PHF11: variants seen among roughly 807,000 people sequenced by gnomAD.
PHF11 encodes PHD finger protein 11, also known as BRCA1 C-terminus-associated protein.
PHF11 carries 38 observed loss-of-function variants against 40.5 expected under a neutral mutation model. That is an observed-to-expected ratio of 0.94 (90% CI 0.72 to 1.23). The LOEUF (loss-of-function observed/expected upper bound fraction) is 1.23, where lower values mean the gene tolerates loss of function less well. Ranked by LOEUF, PHF11 falls within the 50% of genes most tolerant of loss-of-function variation. The pLI is 0.00. For synonymous variants in PHF11, 127 were observed against 138.2 expected (o/e 0.92, Z 0.57); for missense variants, 369 against 392.4 (o/e 0.94, Z 0.50).
chr13:49,515,098 A>C (rs1405219207), intron 3 of PHF11, among the ~76,000 whole-genome samples: 2 of 152,072 alleles, frequency 1.3e-5, no homozygotes, highest in Non-Finnish European at 2.9e-5. Flanking sequence ...CAGGTACCTG[A>C]GGGTTTCTGC....
chr13:49,525,513 G>C (rs1255822935), intron 8 of PHF11, among the ~76,000 whole-genome samples: 1 of 152,206 alleles, frequency 6.6e-6, no homozygotes, highest in Non-Finnish European at 1.5e-5. Context: ...CTCCCAAAGT[G>C]CGGGGATTAC....
chr13:49,528,383 G>C, intron 9 of PHF11, 128 bp from the exon 10 acceptor site: 1 of 642,446 alleles, frequency 1.6e-6, no homozygotes, highest in Non-Finnish European at 2.6e-6. Flanking sequence ...ATAAGGCTCT[G>C]GATCCTTTTC....
At position 49,496,327 on chromosome 13, in the gene PHF11, C is replaced by T. The variant is rs1958807583; in HGVS notation, c.94+232C>T. 3 of 974,006 alleles carry T rather than the reference C, an allele frequency of 3.1e-6. No homozygotes were observed. In the South Asian group the frequency reaches 1.6e-4, roughly 51 times the overall value. The allele number at this position is 974,006 out of a possible 1,614,324, so 60.3% of individuals were successfully genotyped here. The stretch of plus-strand genomic sequence containing the variant: ...CGGCCCAGGCCAGTTCCACAGGTGG[C>T]TCTGACTGCCCATGGTTTCGCGCGA... On this transcript the variant is annotated intron_variant, in intron 1 of 9. Transcript: ENST00000378319.
rs1566191441 is a variant in PHF11 at position 49,513,047 on chromosome 13, T to C, written c.217-12T>C. 2.2e-6 allele frequency: 3 copies of C among 1,341,746 alleles called. No individual in the cohort carries two copies. The highest frequency in any genetic ancestry group is 2.1e-6 in the Non-Finnish European group (2 of 943,566). The allele number at this position is 1,341,746 out of a possible 1,614,324, so 83.1% of individuals were successfully genotyped here. A position where few individuals can be genotyped will look rare whatever the true frequency, so the allele number is the denominator to read the frequency against. ...TTTGTGCATACTCTGGATTTTTTTT[T>C]CCAATCTGCAGCTGTATTCTTCAGG... On this transcript the variant is annotated splice_polypyrimidine_tract_variant and intron_variant, in intron 2 of 9. Coordinates refer to ENST00000378319, the MANE Select transcript of PHF11 (RefSeq NM_001040443.3).
At position 49,523,161 on chromosome 13, in the gene PHF11, A is replaced by AT. The variant is rs751155910; in HGVS notation, c.571-10dup. On this transcript the variant is annotated splice_polypyrimidine_tract_variant and intron_variant, in intron 6 of 9. Coordinates refer to ENST00000378319, the MANE Select transcript of PHF11 (RefSeq NM_001040443.3). Reference sequence around the variant, plus strand: ...TTAAAATCAATGTAATGCAATCTTGATTTTCTCTCCTAGCCACCCGAAACA... The same window carrying AT: ...TTAAAATCAATGTAATGCAATCTTGATTTTTCTCTCCTAGCCACCCGAAACA... 8.2e-6 allele frequency: 13 copies of AT among 1,576,156 alleles called. No individual in the cohort carries two copies. The highest frequency in any genetic ancestry group is 1.1e-5 in the Non-Finnish European group (13 of 1,145,552).
chr13:49,517,803 A>C (rs1008586995), intron 3 of PHF11, among the ~76,000 whole-genome samples: 1 of 152,234 alleles, frequency 6.6e-6, no homozygotes, highest in Non-Finnish European at 1.5e-5. Context: ...TGTCTGTCCA[A>C]GCATTCCGGT....
At chr13:49,502,408 G>A (rs190872406) in intron 1 of PHF11, among the ~76,000 whole-genome samples, 7 of 152,154 alleles carry the variant, frequency 4.6e-5, no homozygotes, top group Non-Finnish European at 8.8e-5. Flanking sequence ...TAAAATAAAT[G>A]ATTGTTGTAA....
intron 7 of PHF11, 39 bp downstream of exon 7, chr13:49,523,280 A>T: frequency 7.3e-7 from 1 of 1,364,018 alleles, no homozygotes; most frequent in Non-Finnish European, 1.0e-6. Context: ...TATGGCCTAC[A>T]ATACTTATAA....
Position 49,524,367 on chromosome 13 carries a change from C to T in PHF11, c.769+151C>T, listed in dbSNP as rs1959213875. 5 of 646,662 alleles carry T rather than the reference C, an allele frequency of 7.7e-6. No individual in the cohort carries two copies. In the South Asian group the frequency reaches 8.2e-5, roughly 11 times the overall value. The allele number at this position is 646,662 out of a possible 1,614,324, so 40.1% of individuals were successfully genotyped here. ...TTTTGGAAATGCTTACTATTTATTT[C>T]ACTTTTTGGTTTTGCCCTATAGAAA... On this transcript the variant is annotated intron_variant, in intron 8 of 9. Coordinates refer to ENST00000378319, the MANE Select transcript of PHF11 (RefSeq NM_001040443.3).
chr13:49,504,663 A>C (rs1958958556), intron 1 of PHF11, among the ~76,000 whole-genome samples: 1 of 150,114 alleles, frequency 6.7e-6, no homozygotes, highest in South Asian at 2.1e-4. Context: ...GGCCGCCCCT[A>C]CTAGGAAGTG....
In PHF11 at chr13:49,524,086, T is replaced by C; in HGVS notation, c.639T>C (p.Asp213=). The C allele has an allele frequency of 1.2e-6, 2 of 1,604,726 alleles. No homozygotes were observed. Among genetic ancestry groups the C allele is most frequent in the Non-Finnish European group, 8.5e-7 (1 of 1,175,724 alleles). ...CTCAAATGTTTGTCTTATTCTTAGA[T>C]GCAACTGTGAAAGTTCCTTTTCTTA... is the stretch of plus-strand genomic sequence containing the variant. ...QVKEEHGRHT[D]ATVKVPFLKK... Residue 213 remains aspartate (D), a splice_region_variant and synonymous_variant, in exon 8 of 10, where the codon GAT becomes GAC. Coordinates refer to ENST00000378319, the MANE Select transcript of PHF11 (RefSeq NM_001040443.3).
chr13:49,498,209 G>A (rs1383273787), intron 1 of PHF11, among the ~76,000 whole-genome samples: 4 of 152,214 alleles, frequency 2.6e-5, no homozygotes, highest in African/African-American at 7.2e-5. Context: ...ATAATAGTAA[G>A]TCCTCATTAA....
At chr13:49,526,168 CAAAAAAAAAA>C (rs10573458) in intron 8 of PHF11, 12 of 341,232 alleles carry the variant, frequency 3.5e-5, no homozygotes, top group South Asian at 9.7e-5. Context: ...GATTCTGTCT[CAAAAAAAAAA>C]AAAAAAAAAA....
chr13:49,527,859 A>T (rs560095040), intron 9 of PHF11, among the ~76,000 whole-genome samples: 16 of 152,328 alleles, frequency 1.1e-4, no homozygotes, highest in Admixed American at 6.5e-4. Flanking sequence ...TGGTTGATAA[A>T]AACTTGCTTA....
intron 9 of PHF11, among the ~76,000 whole-genome samples, chr13:49,527,618 T>C (rs1959362968): frequency 1.3e-5 from 2 of 152,336 alleles, no homozygotes; most frequent in East Asian, 1.9e-4. Context: ...TGCTAATATA[T>C]AGCAGTATCC....
At chr13:49,521,106 G>T in intron 5 of PHF11, 166 bp downstream of exon 5, 1 of 1,311,898 alleles carries the variant, frequency 7.6e-7, no homozygotes. Flanking sequence ...TATGTGATAT[G>T]ACTGACTAAT....
chr13:49,522,202 G>A (rs770248823), intron 6 of PHF11, 95 bp downstream of exon 6: 4 of 650,864 alleles, frequency 6.1e-6, no homozygotes, highest in African/African-American at 1.8e-5. Flanking sequence ...TTTCCAAATC[G>A]TCCAAACAGA....
intron 2 of PHF11, among the ~76,000 whole-genome samples, chr13:49,507,099 G>T (rs1489342234): frequency 6.6e-5 from 10 of 151,922 alleles, no homozygotes; most frequent in Admixed American, 4.6e-4. Flanking sequence ...TAGAGATGGG[G>T]TTTCACCGTG....
intron 1 of PHF11, among the ~76,000 whole-genome samples, chr13:49,502,293 C>T (rs1479503831): frequency 6.6e-6 from 1 of 151,716 alleles, no homozygotes; most frequent in Non-Finnish European, 1.5e-5. Context: ...CAGGGCAAGA[C>T]CCTGTCTCAA....
Sources: gnomAD v4.1 joint callset for allele counts (sites outside exome capture counted in the v4.1 genomes callset) on GRCh38, gnomAD v4.1.1 for gene constraint, MANE v1.5 for transcripts, NCBI Gene and HGNC (gene_info 2026-07-23, HGNC 2026-07-21) for gene names.